The following CDCA5 variants were observed in gnomAD, a reference collection of about 807,000 sequenced individuals.
CDCA5 encodes sororin.
Under a neutral mutation model 25.7 loss-of-function variants are expected in CDCA5, and 14 were observed. That is an observed-to-expected ratio of 0.54 (90% CI 0.36 to 0.85). CDCA5 has a LOEUF of 0.85. Among genes scored for constraint, CDCA5 ranks in the 40% least tolerant of loss-of-function variants. CDCA5 has a pLI of 0.01. For missense variants in CDCA5, 307 were observed against 324.5 expected, an observed-to-expected ratio of 0.95 and a Z score of 0.41; for synonymous variants, 127 against 128.7, an observed-to-expected ratio of 0.99 and a Z score of 0.09.
chr11:65,076,271 C>T (rs1339195645), downstream of CDCA5, among the ~76,000 whole-genome samples: 4 of 136,976 alleles, frequency 2.9e-5, no homozygotes, highest in South Asian at 2.5e-4. Flanking sequence ...TGTGCCACCA[C>T]GCCCATTTAT....
downstream of CDCA5, among the ~76,000 whole-genome samples, chr11:65,064,712 G>A (rs1482180855): frequency 6.6e-6 from 1 of 152,056 alleles, no homozygotes; most frequent in Non-Finnish European, 1.5e-5. Flanking sequence ...GTCTCAGAAG[G>A]GGTGGGCTGC....
chr11:65,073,545 G>C (rs1204483764), downstream of CDCA5, among the ~76,000 whole-genome samples: 1 of 152,296 alleles, frequency 6.6e-6, no homozygotes, highest in Admixed American at 6.5e-5. Context: ...AGAGAGCAAA[G>C]GTTCAGAGGC....
At chr11:65,061,356 GC>G (rs1947183288), downstream of CDCA5, among the ~76,000 whole-genome samples, 1 of 152,200 alleles carries the variant, frequency 6.6e-6, no homozygotes, top group Non-Finnish European at 1.5e-5. Flanking sequence ...CTTGACTGCA[GC>G]CTCACGAGAG....
Position 65,077,729 on chromosome 11 carries a change from C to A in CDCA5, c.*1378G>T. ...CTTGCAGGTCTGACAAACCACAGAG[C>A]GTTGAGCAGATGGCCTGGGACTCCC... On this transcript the variant is annotated 3_prime_UTR_variant, in exon 6 of 6. Transcript: ENST00000275517. 1 of 985,578 alleles carries A rather than the reference C, an allele frequency of 1.0e-6. No homozygotes were observed. Among genetic ancestry groups the A allele is most frequent in the Non-Finnish European group, 1.2e-6 (1 of 830,040 alleles). 61.1% of individuals were successfully genotyped at this position (985,578 alleles called of 1,614,324 possible). A position where few individuals can be genotyped will look rare whatever the true frequency, so the allele number is the denominator to read the frequency against.
Position 65,079,407 on chromosome 11 carries a change from G to T in CDCA5, c.624C>A (p.Ile208=). 1 of 1,614,096 alleles carries T rather than the reference G, an allele frequency of 6.2e-7. No homozygotes were observed. Among genetic ancestry groups the T allele is most frequent in the Non-Finnish European group, 8.5e-7 (1 of 1,180,004 alleles). Residue 208 remains isoleucine, a synonymous_variant, in exon 5 of 6, where the codon ATC becomes ATA. Coordinates refer to ENST00000275517, the MANE Select transcript of CDCA5 (RefSeq NM_080668.4). The part of the protein sequence containing the change: ...PWAPDMTLPG[I]SPPPEKQKRK... ...GTTTCTGTTTCTCGGGTGGTGGGGA[G>T]ATTCCAGGGAGAGTCATGTCTGGGG...
At chr11:65,065,812 T>C (rs1179384314), downstream of CDCA5, among the ~76,000 whole-genome samples, 2 of 152,048 alleles carry the variant, frequency 1.3e-5, no homozygotes, top group South Asian at 2.1e-4. Flanking sequence ...AAAATCGATA[T>C]GTATCTCCAG....
At chr11:65,083,228 T>A (rs771084735) in intron 4 of CDCA5, 136 bp downstream of exon 4, 10 of 912,078 alleles carry the variant, frequency 1.1e-5, no homozygotes, top group Non-Finnish European at 1.8e-5. Context: ...TGGCAATGCA[T>A]GCAGGTGCCC....
chr11:65,068,184 T>C lies in CDCA5; in HGVS notation c.178-66A>G. 2.4e-5 allele frequency: 24 copies of C among 1,020,286 alleles called. 1 individual carries two copies. Among genetic ancestry groups the C allele is most frequent in the Non-Finnish European group, 3.2e-5 (24 of 744,176 alleles). The allele number at this position is 1,020,286 out of a possible 1,614,324, so 63.2% of individuals were successfully genotyped here. A position where few individuals can be genotyped will look rare whatever the true frequency, so the allele number is the denominator to read the frequency against. ...GCTGCTCACCCAAGAGCCTGGGTCC[T>C]CCCACACCCCCCATCCTTGCCATCT... is the stretch of plus-strand genomic sequence containing the variant. On this transcript the variant is annotated intron_variant, in intron 2 of 6. Coordinates refer to the CDCA5 transcript ENST00000525464.
At chr11:65,062,552 GT>G (rs991005125), downstream of CDCA5, among the ~76,000 whole-genome samples, 1 of 152,116 alleles carries the variant, frequency 6.6e-6, no homozygotes, top group African/African-American at 2.4e-5. Flanking sequence ...CTCCCCAGCT[GT>G]CCACAGGGCT....
rs367728551 is a variant in CDCA5 at position 65,066,569 on chromosome 11, C to T, written c.546G>A (p.Pro182=). 812 of 1,289,386 alleles carry T rather than the reference C, an allele frequency of 6.3e-4. 5 individuals are homozygous for T. The South Asian group carries it at 8.9e-3, about 14-fold the overall frequency. The allele number at this position is 1,289,386 out of a possible 1,614,324, so 79.9% of individuals were successfully genotyped here. ...CCGCACACCTGAGCAGAGCCACCTC[C>T]GGCAGGGCCTGGCTTTCCTCCTGCA... The change falls in exon 6 of 7, where the codon CCG becomes CCA. Residue 182 remains proline, a synonymous_variant. Transcript: ENST00000525464.
chr11:65,080,456 C>T (rs1020077928), intron 4 of CDCA5, among the ~76,000 whole-genome samples: 3 of 152,300 alleles, frequency 2.0e-5, no homozygotes, highest in Non-Finnish European at 2.9e-5. Context: ...CTCTGTTGCC[C>T]AGGCTGGAGT....
At chr11:65,067,966 CGTGCCTGCAT>C (rs951735220) in intron 3 of CDCA5, 38 of 1,145,582 alleles carry the variant, frequency 3.3e-5, no homozygotes, top group Non-Finnish European at 4.1e-5. Flanking sequence ...CAGTTTTGTG[CGTGCCTGCAT>C]GTGCCTGCAT....
chr11:65,066,070 A>G (rs1320256867), downstream of CDCA5, among the ~76,000 whole-genome samples: 2 of 151,948 alleles, frequency 1.3e-5, no homozygotes, highest in African/African-American at 2.4e-5. Context: ...TCTTGGGAAC[A>G]TCGCCCTTGA....
At chr11:65,074,230 G>A (rs1401595685), downstream of CDCA5, among the ~76,000 whole-genome samples, 3 of 152,016 alleles carry the variant, frequency 2.0e-5, no homozygotes, top group African/African-American at 4.8e-5. Context: ...CCGCCACCAC[G>A]CCCACCTAAT....
chr11:65,065,398 G>A (rs1230443825), downstream of CDCA5, among the ~76,000 whole-genome samples: 2 of 151,946 alleles, frequency 1.3e-5, no homozygotes, highest in East Asian at 3.9e-4. Flanking sequence ...AGTGATTCTC[G>A]TGCCTCAGCC....
chr11:65,061,598 G>T (rs1565258940), downstream of CDCA5, among the ~76,000 whole-genome samples: 1 of 151,814 alleles, frequency 6.6e-6, no homozygotes, highest in African/African-American at 2.4e-5. Context: ...CATGGTGAAA[G>T]CCCGTCTCTA....
downstream of CDCA5, among the ~76,000 whole-genome samples, chr11:65,061,777 G>GAAA (rs781316054): frequency 4.9e-5 from 4 of 81,532 alleles, no homozygotes; most frequent in East Asian, 3.3e-4. Flanking sequence ...TCCGTCTCAA[G>GAAA]AAAAAAAAAA....
At chr11:65,074,959 G>C (rs1362225580), downstream of CDCA5, among the ~76,000 whole-genome samples, 1 of 151,122 alleles carries the variant, frequency 6.6e-6, no homozygotes, top group Non-Finnish European at 1.5e-5. Flanking sequence ...CTACTCAGGA[G>C]GCTGAGGCAG....
downstream of CDCA5, among the ~76,000 whole-genome samples, chr11:65,073,064 C>T (rs1475275273): frequency 6.6e-6 from 1 of 151,102 alleles, no homozygotes; most frequent in Non-Finnish European, 1.5e-5. Context: ...CCTGCCTCAG[C>T]CTCCCGAGTA....
Sources: allele counts gnomAD v4.1 joint callset (sites outside exome capture counted in the v4.1 genomes callset), GRCh38; gene constraint gnomAD v4.1.1; transcripts MANE v1.5; gene names NCBI Gene and HGNC (gene_info 2026-07-23, HGNC 2026-07-21).